KLF12: variants seen among roughly 807,000 people sequenced by gnomAD.
KLF12 encodes the protein KLF transcription factor 12.
In KLF12, 9 loss-of-function variants were observed where a neutral mutation model predicts 37.8. The ratio of observed to expected loss-of-function variants is 0.24; its 90% CI spans 0.14 to 0.42. The LOEUF (loss-of-function observed/expected upper bound fraction) is 0.42, where lower values mean the gene tolerates loss of function less well. Among genes scored for constraint, KLF12 ranks in the 10% least tolerant of loss-of-function variants. The probability of loss-of-function intolerance (pLI) is 1.00; values close to 1 mark genes in which losing one functional copy is unlikely to be tolerated. For synonymous variants in KLF12, 208 were observed against 202.1 expected, an observed-to-expected ratio of 1.03 and a Z score of -0.25; for missense variants, 411 against 516.0, an observed-to-expected ratio of 0.80 and a Z score of 1.97.
the KLF12 span, among the ~76,000 whole-genome samples, chr13:74,159,729 T>A: frequency 6.6e-6 from 1 of 152,172 alleles, no homozygotes; most frequent in Admixed American, 6.5e-5. Context: ...ATCAAAAAGT[T>A]CTTTTTCAGC....
the KLF12 span, among the ~76,000 whole-genome samples, chr13:74,162,189 T>G: frequency 6.6e-6 from 1 of 152,206 alleles, no homozygotes; most frequent in Non-Finnish European, 1.5e-5. Flanking sequence ...ATGGGACCTT[T>G]TTTGTAAAAG....
the KLF12 span, among the ~76,000 whole-genome samples, chr13:74,295,206 A>G: frequency 6.6e-6 from 1 of 152,170 alleles, no homozygotes. Flanking sequence ...CAGATGTTCG[A>G]TAGCTTAATT....
At chr13:73,772,166 T>C (rs955851694) in intron 5 of KLF12, among the ~76,000 whole-genome samples, 2 of 152,166 alleles carry the variant, frequency 1.3e-5, no homozygotes, top group Admixed American at 1.3e-4. Context: ...ATCTTTTACT[T>C]AACCAACATT....
chr13:74,171,466 C>T, the KLF12 span, among the ~76,000 whole-genome samples: 1 of 152,150 alleles, frequency 6.6e-6, no homozygotes, highest in Non-Finnish European at 1.5e-5. Flanking sequence ...CCTCCCATCT[C>T]ATTCTAAATA....
At chr13:73,811,032 C>CTGGAGTA (rs1882914396) in intron 5 of KLF12, among the ~76,000 whole-genome samples, 1 of 110,590 alleles carries the variant, frequency 9.0e-6, no homozygotes, top group Middle Eastern at 8.6e-3. Context: ...GTTGCCCAGG[C>CTGGAGTA]TGGAGTACAG....
At chr13:74,011,352 C>T (rs761829048) in intron 1 of KLF12, among the ~76,000 whole-genome samples, 21 of 151,968 alleles carry the variant, frequency 1.4e-4, no homozygotes, top group Admixed American at 3.3e-4. Flanking sequence ...TCACTGACCA[C>T]CAGGCCCATG....
chr13:73,733,870 C>T (rs374074987), intron 6 of KLF12, among the ~76,000 whole-genome samples: 1 of 152,114 alleles, frequency 6.6e-6, no homozygotes, highest in Non-Finnish European at 1.5e-5. Context: ...GTGAAGTGGT[C>T]GCTCACAGTC....
intron 3 of KLF12, among the ~76,000 whole-genome samples, chr13:73,875,842 T>C (rs1256195589): frequency 6.6e-6 from 1 of 152,186 alleles, no homozygotes; most frequent in Non-Finnish European, 1.5e-5. Flanking sequence ...CACCCAATTG[T>C]TTTCTGTGCT....
the KLF12 span, among the ~76,000 whole-genome samples, chr13:74,175,855 T>A: frequency 3.9e-5 from 6 of 152,198 alleles, no homozygotes; most frequent in Non-Finnish European, 8.8e-5. Flanking sequence ...TGATGCCAGC[T>A]AATTCCAGGG....
At chr13:73,822,365 A>C (rs1456390361) in intron 4 of KLF12, among the ~76,000 whole-genome samples, 2 of 152,224 alleles carry the variant, frequency 1.3e-5, no homozygotes, top group African/African-American at 4.8e-5. Flanking sequence ...CATTTTAAAC[A>C]CTACCAAATA....
At chr13:74,303,497 T>C in the KLF12 span, among the ~76,000 whole-genome samples, 1 of 152,128 alleles carries the variant, frequency 6.6e-6, no homozygotes, top group African/African-American at 2.4e-5. Context: ...ATCATATAAA[T>C]GGGTAGGGTA....
At chr13:73,909,447 C>T (rs557306105) in intron 3 of KLF12, among the ~76,000 whole-genome samples, 2 of 152,304 alleles carry the variant, frequency 1.3e-5, no homozygotes, top group Non-Finnish European at 2.9e-5. Flanking sequence ...ATCTGAAAAT[C>T]TGTTGTCTTT....
chr13:74,010,828 T>C (rs1892532807), intron 1 of KLF12, among the ~76,000 whole-genome samples: 1 of 152,218 alleles, frequency 6.6e-6, no homozygotes, highest in South Asian at 2.1e-4. Context: ...CATGCATTAA[T>C]GTCACAGTCT....
At chr13:73,813,472 T>C (rs546977214) in intron 4 of KLF12, among the ~76,000 whole-genome samples, 185 bp from the exon 5 acceptor site, 6 of 152,336 alleles carry the variant, frequency 3.9e-5, no homozygotes, top group Admixed American at 6.5e-5. Context: ...TTTCCCTTCA[T>C]TGGAGTTACA....
intron 2 of KLF12, among the ~76,000 whole-genome samples, chr13:73,956,854 G>A (rs1469862163): frequency 6.6e-6 from 1 of 151,836 alleles, no homozygotes; most frequent in Non-Finnish European, 1.5e-5. Flanking sequence ...GAGCCTGGGA[G>A]GTCGAGGCTA....
At chr13:73,921,158 C>T (rs944806370) in intron 3 of KLF12, among the ~76,000 whole-genome samples, 4 of 152,194 alleles carry the variant, frequency 2.6e-5, no homozygotes, top group Non-Finnish European at 5.9e-5. Context: ...CCCCCACTTC[C>T]CTCCCTTCTA....
chr13:73,743,062 A>G (rs1485053715), intron 6 of KLF12, among the ~76,000 whole-genome samples: 1 of 151,506 alleles, frequency 6.6e-6, no homozygotes, highest in African/African-American at 2.4e-5. Flanking sequence ...TCCCTTTCGT[A>G]GTCTTTTCTC....
Position 73,883,200 on chromosome 13 carries a change from A to G in KLF12, c.124-36827T>C, listed in dbSNP as rs1888471789. On this transcript the variant is annotated intron_variant, in intron 3 of 7. Coordinates refer to ENST00000377669, the MANE Select transcript of KLF12 (RefSeq NM_007249.5). ...GCATTACTGTACATCCTTTTATTAA[A>G]AAGCAACTTCAATGAGAATAGCAAT... 2.0e-5 allele frequency among the ~76,000 whole-genome samples: 3 copies of G among 152,238 alleles called. No individual in the cohort carries two copies. In the South Asian group the frequency reaches 6.2e-4, roughly 31 times the overall value.
intron 3 of KLF12, among the ~76,000 whole-genome samples, chr13:73,889,280 T>C (rs536981828): frequency 2.6e-5 from 4 of 152,244 alleles, no homozygotes; most frequent in African/African-American, 9.6e-5. Flanking sequence ...TGTATGTGCA[T>C]ACATAGCGCC....
Sources: gnomAD v4.1 joint callset for allele counts (sites outside exome capture counted in the v4.1 genomes callset) on GRCh38, gnomAD v4.1.1 for gene constraint, MANE v1.5 for transcripts, NCBI Gene and HGNC (gene_info 2026-07-23, HGNC 2026-07-21) for gene names.